KLHL26: variants seen among roughly 807,000 people sequenced by gnomAD.
The protein encoded by KLHL26 is kelch-like protein 26.
Under a neutral mutation model 7.1 loss-of-function variants are expected in KLHL26, and 4 were observed. The ratio of observed to expected loss-of-function variants is 0.56; its 90% CI spans 0.28 to 1.28. KLHL26 has a LOEUF of 1.28. Among genes scored for constraint, KLHL26 ranks in the 50% most tolerant of loss-of-function variants. KLHL26 has a pLI of 0.11. For synonymous variants in KLHL26, 465 were observed against 414.1 expected, an observed-to-expected ratio of 1.12 and a Z score of -1.49; for missense variants, 896 against 924.6, an observed-to-expected ratio of 0.97 and a Z score of 0.40.
chr19:18,640,915 C>G (rs1976701303), intron 1 of KLHL26, among the ~76,000 whole-genome samples: 1 of 152,152 alleles, frequency 6.6e-6, no homozygotes, highest in African/African-American at 2.4e-5. Context: ...CAGCAATGTT[C>G]AAGAGTTCCA....
intron 1 of KLHL26, among the ~76,000 whole-genome samples, chr19:18,640,826 A>T (rs1976700290): frequency 1.3e-5 from 2 of 152,088 alleles, no homozygotes; most frequent in South Asian, 4.2e-4. Context: ...GGTGTGAGCC[A>T]CTGAGACTGG....
At chr19:18,657,883 G>T (rs12104212) in intron 1 of KLHL26, among the ~76,000 whole-genome samples, 52 of 152,318 alleles carry the variant, frequency 3.4e-4, no homozygotes, top group African/African-American at 1.2e-3. Context: ...GCTGACGTGA[G>T]CGTGGGGGCC....
chr19:18,665,509 C>T (rs1278804797), intron 2 of KLHL26, among the ~76,000 whole-genome samples: 2 of 152,200 alleles, frequency 1.3e-5, no homozygotes, highest in Admixed American at 6.5e-5. Context: ...GGAGGGGCAT[C>T]GAGGGCCGCA....
intron 1 of KLHL26, among the ~76,000 whole-genome samples, chr19:18,654,648 C>T (rs532004701): frequency 2.1e-4 from 32 of 151,526 alleles, no homozygotes; most frequent in African/African-American, 6.3e-4. Flanking sequence ...TATACATCCA[C>T]GCACCCTTTC....
chr19:18,644,397 C>T (rs768411909), intron 1 of KLHL26, among the ~76,000 whole-genome samples: 1 of 152,202 alleles, frequency 6.6e-6, no homozygotes, highest in Non-Finnish European at 1.5e-5. Flanking sequence ...CACTCATGTT[C>T]AGTCCTTTGG....
chr19:18,640,303 C>T (rs767104015), intron 1 of KLHL26, among the ~76,000 whole-genome samples: 15 of 151,862 alleles, frequency 9.9e-5, no homozygotes, highest in Middle Eastern at 3.4e-3. Context: ...GGTGCAATCA[C>T]GGCTTACTGT....
intron 1 of KLHL26, among the ~76,000 whole-genome samples, chr19:18,662,495 C>T (rs910547096): frequency 1.3e-5 from 2 of 152,180 alleles, no homozygotes; most frequent in Non-Finnish European, 2.9e-5. Flanking sequence ...CCTGCATGCA[C>T]GGGCAGGGAA....
intron 1 of KLHL26, among the ~76,000 whole-genome samples, chr19:18,660,568 C>T (rs2052382669): frequency 6.6e-6 from 1 of 152,218 alleles, no homozygotes; most frequent in South Asian, 2.1e-4. Context: ...GGGTCCTTCC[C>T]CTCCTCCCAG....
At position 18,664,353 on chromosome 19, in the gene KLHL26, A is replaced by G; in HGVS notation, c.176A>G (p.Gln59Arg). The change falls in exon 2 of 3, where the codon CAG (glutamine) becomes CGG (arginine). Residue 59 changes from glutamine to arginine, a missense_variant. Coordinates refer to ENST00000300976, the MANE Select transcript of KLHL26 (RefSeq NM_018316.3). ...LLQGLATLRA[Q>R]GQLLDVVLTI... ...CAGGGCCTGGCCACCCTCCGCGCTCAGGGCCAGCTCCTCGATGTTGTGCTG... is the reference window on the plus strand; with the variant it reads ...CAGGGCCTGGCCACCCTCCGCGCTCGGGGCCAGCTCCTCGATGTTGTGCTG... 1 of 1,609,942 alleles carries G rather than the reference A, an allele frequency of 6.2e-7. No homozygotes were observed. The highest frequency in any genetic ancestry group is 8.5e-7 in the Non-Finnish European group (1 of 1,179,848).
chr19:18,659,994 C>T (rs1012345229), intron 1 of KLHL26, among the ~76,000 whole-genome samples: 2 of 152,328 alleles, frequency 1.3e-5, no homozygotes, highest in South Asian at 2.1e-4. Context: ...GAAAGAACAG[C>T]GTGGGGAGGG....
Position 18,664,354 on chromosome 19 carries a change from G to A in KLHL26, c.177G>A (p.Gln59=). ...LLQGLATLRA[Q]GQLLDVVLTI... Reference sequence around the variant, plus strand: ...AGGGCCTGGCCACCCTCCGCGCTCAGGGCCAGCTCCTCGATGTTGTGCTGA... The same window carrying A: ...AGGGCCTGGCCACCCTCCGCGCTCAAGGCCAGCTCCTCGATGTTGTGCTGA... Residue 59 remains glutamine, a synonymous_variant, in exon 2 of 3, where the codon CAG becomes CAA. Coordinates refer to ENST00000300976, the MANE Select transcript of KLHL26 (RefSeq NM_018316.3). The A allele has an allele frequency of 6.2e-7, 1 of 1,609,952 alleles. No homozygotes were observed. Among genetic ancestry groups the A allele is most frequent in the African/African-American group, 1.3e-5 (1 of 75,058 alleles).
At position 18,656,906 on chromosome 19, in the gene KLHL26, G is replaced by A. The variant is rs141803410; in HGVS notation, c.84-7355G>A. Among the ~76,000 whole-genome samples the A allele has an allele frequency of 6.3e-4, 96 of 152,226 alleles. No homozygotes were observed. The highest frequency in any genetic ancestry group is 2.2e-3 in the Admixed American group (33 of 15,304). ...GAGACACAGACAGCTGCACCCTGGC[G>A]GCCCCTGAGCTGCAGTCTCTGTCTC... is the stretch of plus-strand genomic sequence containing the variant. On this transcript the variant is annotated intron_variant, in intron 1 of 2. Coordinates refer to ENST00000300976, the MANE Select transcript of KLHL26 (RefSeq NM_018316.3). This position sits in a 1 kb window ranked among gnomAD's most constrained non-coding sequence, Gnocchi z 4.4.
intron 1 of KLHL26, 109 bp from the exon 2 acceptor site, chr19:18,664,152 T>C (rs2052420090): frequency 9.9e-7 from 1 of 1,011,744 alleles, no homozygotes; most frequent in Non-Finnish European, 1.4e-6. Context: ...AGTGGAGTCA[T>C]ACACAGTGCG....
In KLHL26 at chr19:18,667,960, C is replaced by T. The variant is rs2052470268; in HGVS notation, c.563C>T (p.Thr188Ile). The change falls in exon 3 of 3, where the codon ACC becomes ATC. Residue 188 changes from threonine (T) to isoleucine (I), a missense_variant. Physicochemically the swap from Thr to Ile is moderately conservative, Grantham distance 89 (BLOSUM62 -1). Coordinates refer to ENST00000300976, the MANE Select transcript of KLHL26 (RefSeq NM_018316.3). ...ASLRESVDAF[T>I]FRHFLQIAEE... ...CTGCGAGAGTCGGTGGATGCCTTCA[C>T]CTTCCGGCACTTCCTGCAGATCGCC... 1 of 1,609,238 alleles carries T rather than the reference C, an allele frequency of 6.2e-7. No individual in the cohort carries two copies. The highest frequency in any genetic ancestry group is 1.3e-5 in the African/African-American group (1 of 74,944).
At position 18,665,571 on chromosome 19, in the gene KLHL26, T is replaced by G. The variant is rs113406062; in HGVS notation, c.266+1128T>G. On this transcript the variant is annotated intron_variant, in intron 2 of 2. Transcript: ENST00000300976. ...TCCTGGGCTCTGTCTGAGGCCCAGATGAGTTCTCCTCCCTGTCTCCCTGAG... is the reference window on the plus strand; with the variant it reads ...TCCTGGGCTCTGTCTGAGGCCCAGAGGAGTTCTCCTCCCTGTCTCCCTGAG... Among the ~76,000 whole-genome samples the G allele has an allele frequency of 3.0e-4, 45 of 152,308 alleles. 1 individual carries two copies. Among genetic ancestry groups the G allele is most frequent in the African/African-American group, 1.0e-3 (43 of 41,568 alleles).
Position 18,670,185 on chromosome 19 carries a change from A to G in KLHL26, c.*940A>G, listed in dbSNP as rs1460904856. On this transcript the variant is annotated 3_prime_UTR_variant, in exon 3 of 3. Transcript: ENST00000300976. ...TGGCCTGCCCTGTTTTTGGGTCAACATTGCTACGGAGCCAGCAGTGAGGCC... is the reference window on the plus strand; with the variant it reads ...TGGCCTGCCCTGTTTTTGGGTCAACGTTGCTACGGAGCCAGCAGTGAGGCC... The G allele has an allele frequency of 6.6e-6, 1 of 152,144 alleles. No individual in the cohort carries two copies. Among genetic ancestry groups the G allele is most frequent in the Non-Finnish European group, 1.5e-5 (1 of 68,036 alleles). The allele number at this position is 152,144 out of a possible 1,614,324, so 9.4% of individuals were successfully genotyped here.
At position 18,669,280 on chromosome 19, in the gene KLHL26, T is replaced by C; in HGVS notation, c.*35T>C. 2 of 1,539,466 alleles carry C rather than the reference T, an allele frequency of 1.3e-6. No individual in the cohort carries two copies. Among genetic ancestry groups the C allele is most frequent in the Non-Finnish European group, 1.8e-6 (2 of 1,131,330 alleles). On this transcript the variant is annotated 3_prime_UTR_variant, in exon 3 of 3. Coordinates refer to ENST00000300976, the MANE Select transcript of KLHL26 (RefSeq NM_018316.3). ...CCCCCGGGACCCTGGCCTGACCGCA[T>C]GTTGTCTCCAAGTGGGGCTTGGCGA...
At chr19:18,640,565 T>A (rs1303902550) in intron 1 of KLHL26, among the ~76,000 whole-genome samples, 2 of 144,266 alleles carry the variant, frequency 1.4e-5, no homozygotes, top group African/African-American at 5.2e-5. Context: ...TTTTTTTTTT[T>A]TTTTTTTTTT....
At chr19:18,640,513 GAT>G (rs1189877806) in intron 1 of KLHL26, among the ~76,000 whole-genome samples, 2 of 150,934 alleles carry the variant, frequency 1.3e-5, no homozygotes, top group Non-Finnish European at 2.9e-5. Context: ...AAAGTGCTGG[GAT>G]TACAGGTGTG....
Sources: gnomAD v4.1 joint callset for allele counts (sites outside exome capture counted in the v4.1 genomes callset) on GRCh38, gnomAD v4.1.1 for gene constraint, Gnocchi (gnomAD v3.1) non-coding constraint, MANE v1.5 for transcripts, NCBI Gene and HGNC (gene_info 2026-07-23, HGNC 2026-07-21) for gene names.